Variants in LARP1 observed in about 807,000 individuals in gnomAD.
The protein encoded by LARP1 is La ribonucleoprotein 1, translational regulator.
LARP1 carries 36 observed loss-of-function variants against 122.7 expected under a neutral mutation model. The observed-to-expected ratio is 0.29, with a 90% CI of 0.22 to 0.39. LARP1 has a LOEUF of 0.39. LARP1 is among the 10% of genes least tolerant of loss of function. The pLI is 1.00. For synonymous variants in LARP1, 539 were observed against 528.7 expected, an observed-to-expected ratio of 1.02 and a Z score of -0.27; for missense variants, 1,040 against 1,403.6, an observed-to-expected ratio of 0.74 and a Z score of 4.14.
intron 2 of LARP1, 103 bp from the exon 3 acceptor site, chr5:154,790,542 A>G: frequency 1.5e-6 from 2 of 1,366,648 alleles, no homozygotes; most frequent in Non-Finnish European, 2.1e-6. Context: ...GTCCTGGTGA[A>G]CAGACTGATT....
intron 1 of LARP1, among the ~76,000 whole-genome samples, chr5:154,767,069 A>C (rs1012488712): frequency 2.0e-5 from 3 of 152,114 alleles, no homozygotes; most frequent in Non-Finnish European, 4.4e-5. Context: ...TTTTAACTCT[A>C]CCTCTGGAGG....
At chr5:154,723,725 C>T (rs1756024997) in intron 1 of LARP1, among the ~76,000 whole-genome samples, 1 of 152,188 alleles carries the variant, frequency 6.6e-6, no homozygotes, top group Non-Finnish European at 1.5e-5. Context: ...AATTAAGAGA[C>T]TTAGCCAAGA....
At chr5:154,801,410 A>G (rs895116433) in intron 10 of LARP1, among the ~76,000 whole-genome samples, 13 of 152,174 alleles carry the variant, frequency 8.5e-5, no homozygotes, top group Admixed American at 2.6e-4. Flanking sequence ...CCATACCACA[A>G]TGCAGTTGGC....
chr5:154,773,176 G>C (rs1001588820), intron 1 of LARP1, among the ~76,000 whole-genome samples: 1 of 151,920 alleles, frequency 6.6e-6, no homozygotes, highest in African/African-American at 2.4e-5. Flanking sequence ...GGGGGCTTCT[G>C]TCACCTCAGA....
At chr5:154,746,258 C>G (rs1220552025) in intron 1 of LARP1, among the ~76,000 whole-genome samples, 5 of 152,236 alleles carry the variant, frequency 3.3e-5, no homozygotes, top group Non-Finnish European at 7.3e-5. Flanking sequence ...ACACTAGTCT[C>G]TAGGGCTGGG....
intron 1 of LARP1, among the ~76,000 whole-genome samples, chr5:154,768,883 A>G (rs1204007481): frequency 1.3e-5 from 2 of 151,548 alleles, no homozygotes; most frequent in Non-Finnish European, 2.9e-5. Context: ...GCCCAGCTGT[A>G]TTTTACTTTA....
chr5:154,737,663 G>A (rs1015601477), intron 1 of LARP1, among the ~76,000 whole-genome samples: 3 of 151,812 alleles, frequency 2.0e-5, no homozygotes, highest in African/African-American at 7.3e-5. Flanking sequence ...GACTGGTCTC[G>A]AACTCCTAAT....
intron 1 of LARP1, among the ~76,000 whole-genome samples, chr5:154,769,928 G>C (rs771948655): frequency 4.6e-5 from 7 of 152,186 alleles, no homozygotes; most frequent in Non-Finnish European, 1.0e-4. Context: ...GTGGTAATGA[G>C]TTTAGAGTTC....
In LARP1 at chr5:154,814,883, AT is replaced by A. The variant is rs1299717260; in HGVS notation, c.*788del. 1 of 151,596 alleles carries A rather than the reference AT, an allele frequency of 6.6e-6. No homozygotes were observed. The highest frequency in any genetic ancestry group is 2.4e-5 in the African/African-American group (1 of 41,008). The allele number at this position is 151,596 out of a possible 1,614,324, so 9.4% of individuals were successfully genotyped here. On this transcript the variant is annotated 3_prime_UTR_variant, in exon 19 of 19. Transcript: ENST00000518297. The stretch of plus-strand genomic sequence containing the variant: ...GGGAAAAAAGAAGAAAAAAGACAAA[AT>A]CGACCATAAAAGACCAAAAAAAAAA...
At chr5:154,756,607 G>A in intron 1 of LARP1, 1 of 631,402 alleles carries the variant, frequency 1.6e-6, no homozygotes, top group Non-Finnish European at 2.0e-6. Context: ...GTAGCGTTGC[G>A]AGCGTCCCCA....
rs1758446876 is a variant in LARP1, at chr5:154,802,695, G to A, written c.2109+296G>A. ...CACTTTTGTGGGGAACAGAAAAAGG[G>A]TTAGATTGTTATTTCTAGTCTTAAA... On this transcript the variant is annotated intron_variant, in intron 11 of 18. Transcript: ENST00000518297. This position sits in a 1 kb window ranked among gnomAD's most constrained non-coding sequence, Gnocchi z 5.1. 6.6e-6 allele frequency among the ~76,000 whole-genome samples: 1 copy of A among 152,172 alleles called. No individual in the cohort carries two copies. The highest frequency in any genetic ancestry group is 1.5e-5 in the Non-Finnish European group (1 of 68,028).
chr5:154,790,499 A>G, intron 2 of LARP1, 113 bp downstream of exon 2: 1 of 1,288,456 alleles, frequency 7.8e-7, no homozygotes, highest in South Asian at 1.3e-5. Flanking sequence ...TGTGAATTGC[A>G]GGGGAGCCCC....
At chr5:154,764,930 A>G (rs898052678) in intron 1 of LARP1, among the ~76,000 whole-genome samples, 1 of 151,910 alleles carries the variant, frequency 6.6e-6, no homozygotes, top group Non-Finnish European at 1.5e-5. Flanking sequence ...GAAACAACAA[A>G]AAAAACCTAT....
chr5:154,763,751 C>G (rs1754673779), intron 1 of LARP1, among the ~76,000 whole-genome samples: 1 of 152,014 alleles, frequency 6.6e-6, no homozygotes, highest in East Asian at 1.9e-4. Flanking sequence ...CCTGTAACCC[C>G]AGCACTTTGG....
At chr5:154,727,550 TG>T (rs1756299018) in intron 1 of LARP1, among the ~76,000 whole-genome samples, 1 of 152,106 alleles carries the variant, frequency 6.6e-6, no homozygotes, top group South Asian at 2.1e-4. Context: ...TTCAGTTAGA[TG>T]GGAGGATTCA....
At chr5:154,782,117 G>A (rs967677350) in intron 1 of LARP1, among the ~76,000 whole-genome samples, 9 of 152,154 alleles carry the variant, frequency 5.9e-5, no homozygotes, top group Admixed American at 1.3e-4. Flanking sequence ...GACCTTGGGC[G>A]AGTCCCTTCC....
intron 1 of LARP1, among the ~76,000 whole-genome samples, chr5:154,768,653 C>T (rs1200218223): frequency 6.6e-6 from 1 of 152,172 alleles, no homozygotes; most frequent in African/African-American, 2.4e-5. Flanking sequence ...GCGATCTTGG[C>T]TCACTGCAAC....
chr5:154,783,466 C>T (rs1403485330), intron 1 of LARP1, among the ~76,000 whole-genome samples: 5 of 152,172 alleles, frequency 3.3e-5, no homozygotes, highest in Admixed American at 2.0e-4. Context: ...GATGCCCAGG[C>T]ATCCCTGCTA....
intron 1 of LARP1, among the ~76,000 whole-genome samples, chr5:154,717,452 G>T (rs533536684): frequency 6.6e-6 from 1 of 152,268 alleles, no homozygotes; most frequent in South Asian, 2.1e-4. Flanking sequence ...GCTGTAACCT[G>T]GGCTAGCCAT....
Sources: gnomAD v4.1 joint callset for allele counts (sites outside exome capture counted in the v4.1 genomes callset) on GRCh38, gnomAD v4.1.1 for gene constraint, Gnocchi (gnomAD v3.1) non-coding constraint, MANE v1.5 for transcripts, NCBI Gene and HGNC (gene_info 2026-07-23, HGNC 2026-07-21) for gene names.